Variants in NR3C2 observed in about 807,000 individuals in gnomAD.
NR3C2 encodes the protein mineralocorticoid receptor.
Under a neutral mutation model 86.4 loss-of-function variants are expected in NR3C2, and 15 were observed. The observed-to-expected ratio is 0.17, with a 90% confidence interval of 0.12 to 0.27. The LOEUF is 0.27. Among genes scored for constraint, NR3C2 ranks in the 10% least tolerant of loss-of-function variants. The pLI is 1.00. For missense variants in NR3C2, 960 were observed against 1,195.6 expected (o/e 0.80, Z 2.91); for synonymous variants, 458 against 450.5 (o/e 1.02, Z -0.21).
chr4:148,240,250 A>ATTTATATATAAATATATATAT (rs1738958463), intron 3 of NR3C2, among the ~76,000 whole-genome samples: 1 of 147,718 alleles, frequency 6.8e-6, no homozygotes, highest in Non-Finnish European at 1.5e-5. Flanking sequence ...TTATATATAT[A>ATTTATATATAAATATATATAT]TTTATATATA....
At chr4:148,294,338 G>A (rs1248813930) in intron 2 of NR3C2, among the ~76,000 whole-genome samples, 1 of 152,092 alleles carries the variant, frequency 6.6e-6, no homozygotes, top group Non-Finnish European at 1.5e-5. Context: ...CATAAATTTT[G>A]ACAAGTACTA....
chr4:148,285,830 C>A (rs1460960580), intron 2 of NR3C2, among the ~76,000 whole-genome samples: 3 of 152,142 alleles, frequency 2.0e-5, no homozygotes, highest in Non-Finnish European at 2.9e-5. Context: ...TGTACTGTTA[C>A]CTTAAAAAGT....
chr4:148,317,467 T>C (rs1021213186), intron 2 of NR3C2, among the ~76,000 whole-genome samples: 4 of 152,018 alleles, frequency 2.6e-5, no homozygotes, highest in African/African-American at 9.7e-5. Context: ...ATCCGCAATA[T>C]CCCAACTAAA....
chr4:148,106,362 G>A (rs1578888033), intron 8 of NR3C2, among the ~76,000 whole-genome samples: 3 of 152,274 alleles, frequency 2.0e-5, no homozygotes, highest in African/African-American at 7.2e-5. Flanking sequence ...GAAAATAAGA[G>A]AGGACACAAA....
intron 2 of NR3C2, among the ~76,000 whole-genome samples, chr4:148,421,923 CT>C (rs962792952): frequency 6.6e-6 from 1 of 152,052 alleles, no homozygotes; most frequent in Non-Finnish European, 1.5e-5. Flanking sequence ...TCATAAAAAT[CT>C]TTTGCTTGTT....
In NR3C2 at chr4:148,226,519, T is replaced by A. The variant is rs531483621; in HGVS notation, c.1898-31657A>T. On this transcript the variant is annotated intron_variant, in intron 3 of 8. Transcript: ENST00000358102. The stretch of plus-strand genomic sequence containing the variant: ...TTATGAATAAAGATGCTATGAACAT[T>A]CATGTGCACATATTTGTGTGGACAT... 1.2e-3 allele frequency among the ~76,000 whole-genome samples: 182 copies of A among 152,336 alleles called. 6 individuals carry two copies. In the South Asian group the frequency reaches 0.036, roughly 30 times the overall value.
chr4:148,128,072 G>T (rs1023289649), intron 6 of NR3C2, among the ~76,000 whole-genome samples: 2 of 152,178 alleles, frequency 1.3e-5, no homozygotes, highest in African/African-American at 4.8e-5. Flanking sequence ...AGAATAGTGG[G>T]AATTAGAAAA....
At chr4:148,345,182 A>C (rs1243926912) in intron 2 of NR3C2, among the ~76,000 whole-genome samples, 1 of 152,132 alleles carries the variant, frequency 6.6e-6, no homozygotes, top group East Asian at 1.9e-4. Context: ...GTGGTTCAGA[A>C]GTAATTTAAA....
chr4:148,212,887 TAATAA>T (rs1318008731), intron 3 of NR3C2, among the ~76,000 whole-genome samples: 1 of 152,206 alleles, frequency 6.6e-6, no homozygotes, highest in African/African-American at 2.4e-5. Flanking sequence ...TGAAGGTTCG[TAATAA>T]AAATATTTGC....
chr4:148,373,536 G>A (rs114830524), intron 2 of NR3C2, among the ~76,000 whole-genome samples: 3,485 of 145,664 alleles, frequency 0.024, 138 homozygotes, highest in African/African-American at 0.083. Flanking sequence ...GTACAGTAGC[G>A]CAATCTTGGG....
intron 3 of NR3C2, among the ~76,000 whole-genome samples, chr4:148,213,894 A>T (rs1430004859): frequency 6.6e-6 from 1 of 152,246 alleles, no homozygotes; most frequent in East Asian, 1.9e-4. Context: ...AGGCAGGGAA[A>T]AATGGTGCAA....
At chr4:148,320,591 T>C (rs1465359031) in intron 2 of NR3C2, among the ~76,000 whole-genome samples, 2 of 149,574 alleles carry the variant, frequency 1.3e-5, no homozygotes, top group East Asian at 2.0e-4. Context: ...AACTTCTTCC[T>C]AGTTTAGTCT....
chr4:148,256,254 A>G (rs1250589962), intron 3 of NR3C2, among the ~76,000 whole-genome samples: 2 of 152,180 alleles, frequency 1.3e-5, no homozygotes, highest in African/African-American at 2.4e-5. Flanking sequence ...TGCCACCTCA[A>G]AGGGCAGCTC....
At chr4:148,363,352 G>A (rs1047855120) in intron 2 of NR3C2, among the ~76,000 whole-genome samples, 1 of 152,042 alleles carries the variant, frequency 6.6e-6, no homozygotes, top group African/African-American at 2.4e-5. Flanking sequence ...GGACCTGTCA[G>A]AACACACCTT....
intron 2 of NR3C2, among the ~76,000 whole-genome samples, chr4:148,345,092 GC>G (rs1744926092): frequency 6.6e-6 from 1 of 152,076 alleles, no homozygotes; most frequent in Admixed American, 6.6e-5. Flanking sequence ...TTTGTTCTTT[GC>G]TTCCAAATAC....
At position 148,435,160 on chromosome 4, in the gene NR3C2, C is replaced by A. The variant is rs374749484; in HGVS notation, c.1701G>T (p.Ser567=). The change falls in exon 2 of 9, where the codon TCG becomes TCT. Residue 567 remains serine (S), a synonymous_variant. Coordinates refer to ENST00000358102, the MANE Select transcript of NR3C2 (RefSeq NM_000901.5). ...CCGGATACCCATCACTTCTTCTAGA[C>A]GACAGGTCGCCGTGTGATTTCCATG... is the stretch of plus-strand genomic sequence containing the variant. ...VESWKSHGDL[S]SRRSDGYPVL... 98 of 1,613,992 alleles carry A rather than the reference C, an allele frequency of 6.1e-5. No individual in the cohort carries two copies. Among genetic ancestry groups the A allele is most frequent in the Non-Finnish European group, 8.2e-5 (97 of 1,180,022 alleles).
chr4:148,323,011 T>C (rs531958913), intron 2 of NR3C2, among the ~76,000 whole-genome samples: 3,052 of 150,116 alleles, frequency 0.02, 95 homozygotes, highest in African/African-American at 0.071. Context: ...TTTGTGGTTT[T>C]ATCTACTTTT....
intron 4 of NR3C2, among the ~76,000 whole-genome samples, chr4:148,185,076 T>A (rs201859951): frequency 6.6e-6 from 1 of 152,154 alleles, no homozygotes; most frequent in South Asian, 2.1e-4. Context: ...ATTCACCACC[T>A]CCGCCACTGC....
rs200056736 is a variant in NR3C2 at position 148,384,435 on chromosome 4, CAA to C, written c.1757+50667_1757+50668del. 8.9e-3 allele frequency among the ~76,000 whole-genome samples: 1,346 copies of C among 151,882 alleles called. 11 individuals carry two copies. Among genetic ancestry groups the C allele is most frequent in the Middle Eastern group, 0.024 (7 of 292 alleles). Reference sequence around the variant, plus strand: ...ATTTTTTCTAAGAGAAAATACTGAACAAAGACATACTATATATTACAATCCAC... The same window carrying C: ...ATTTTTTCTAAGAGAAAATACTGAACAGACATACTATATATTACAATCCAC... On this transcript the variant is annotated intron_variant, in intron 2 of 8. Transcript: ENST00000358102.
Sources: allele counts gnomAD v4.1 joint callset (sites outside exome capture counted in the v4.1 genomes callset), GRCh38; gene constraint gnomAD v4.1.1; transcripts MANE v1.5; gene names NCBI Gene and HGNC (gene_info 2026-07-23, HGNC 2026-07-21).